Variants in PHACTR1 observed in about 807,000 individuals in gnomAD.
PHACTR1 encodes the protein phosphatase and actin regulator 1, also known as RPEL repeat containing 1.
A neutral mutation model predicts 69.2 loss-of-function variants in PHACTR1; 16 were observed. The observed-to-expected ratio is 0.23, with a 90% CI of 0.16 to 0.35. The LOEUF is 0.35. PHACTR1 is among the 10% of genes least tolerant of loss of function. PHACTR1 has a pLI of 1.00. For synonymous variants in PHACTR1, 312 were observed against 284.5 expected, an observed-to-expected ratio of 1.10 and a Z score of -0.97; for missense variants, 510 against 734.7, an observed-to-expected ratio of 0.69 and a Z score of 3.54.
At chr6:12,986,268 C>G (rs1278142781) in intron 4 of PHACTR1, among the ~76,000 whole-genome samples, 1 of 152,180 alleles carries the variant, frequency 6.6e-6, no homozygotes, top group Non-Finnish European at 1.5e-5. Context: ...TTTTCTTGAT[C>G]TGGGTGATGT....
chr6:13,245,075 C>A lies in PHACTR1; in HGVS notation c.1391+14882C>A, dbSNP rs530324316. ...CGGTCCCTCTGTTTGGGGTCCCTGA[C>A]TTCCCGCAACAGTATTTAGGTTGAT... On this transcript the variant is annotated intron_variant, in intron 10 of 14. Coordinates refer to ENST00000332995, the MANE Select transcript of PHACTR1 (RefSeq NM_030948.6). This position sits in a 1 kb window ranked among gnomAD's most constrained non-coding sequence, Gnocchi z 4.1. Among the ~76,000 whole-genome samples the A allele has an allele frequency of 5.3e-5, 8 of 152,332 alleles. No homozygotes were observed. Among genetic ancestry groups the A allele is most frequent in the South Asian group, 2.1e-4 (1 of 4,832 alleles).
chr6:12,835,103 C>T (rs1778015482), intron 4 of PHACTR1, among the ~76,000 whole-genome samples: 1 of 152,090 alleles, frequency 6.6e-6, no homozygotes, highest in Non-Finnish European at 1.5e-5. Flanking sequence ...AGAGCAAAGG[C>T]AGGCATCCCA....
chr6:13,208,513 G>C (rs557232913), intron 8 of PHACTR1, among the ~76,000 whole-genome samples: 1 of 152,266 alleles, frequency 6.6e-6, no homozygotes, highest in South Asian at 2.1e-4. Flanking sequence ...ACTACCCTAG[G>C]TAGTAAGTTG....
chr6:12,837,560 A>G (rs1161363100), intron 4 of PHACTR1, among the ~76,000 whole-genome samples: 3 of 152,196 alleles, frequency 2.0e-5, no homozygotes, highest in Non-Finnish European at 4.4e-5. Flanking sequence ...AAATAAAGAT[A>G]AGGAAGAGAT....
chr6:13,227,396 C>A (rs1355795388), intron 8 of PHACTR1, among the ~76,000 whole-genome samples: 1 of 152,170 alleles, frequency 6.6e-6, no homozygotes, highest in African/African-American at 2.4e-5. Flanking sequence ...TAATCCTTTA[C>A]CCTTGCTTTT....
At chr6:12,942,690 T>C (rs927723218) in intron 4 of PHACTR1, among the ~76,000 whole-genome samples, 3 of 152,152 alleles carry the variant, frequency 2.0e-5, no homozygotes, top group African/African-American at 7.2e-5. Context: ...GTCACAATGA[T>C]ACATGACAAG....
At chr6:13,210,551 T>A (rs1766655306) in intron 8 of PHACTR1, among the ~76,000 whole-genome samples, 2 of 152,330 alleles carry the variant, frequency 1.3e-5, no homozygotes, top group South Asian at 4.1e-4. Context: ...CAGAATTAAC[T>A]GCCGGAGTTT....
chr6:13,263,158 A>G (rs1776130873), intron 10 of PHACTR1, among the ~76,000 whole-genome samples: 1 of 151,874 alleles, frequency 6.6e-6, no homozygotes, highest in Non-Finnish European at 1.5e-5. Context: ...ATACATTTAA[A>G]GCATCTTGCC....
intron 8 of PHACTR1, among the ~76,000 whole-genome samples, chr6:13,218,406 G>A (rs976074745): frequency 7.2e-5 from 11 of 152,178 alleles, no homozygotes; most frequent in Admixed American, 5.2e-4. Context: ...CAGACTCACT[G>A]TAGATGTCTT....
intron 11 of PHACTR1, chr6:13,273,987 C>CT (rs1164358786): frequency 6.9e-6 from 1 of 144,952 alleles, no homozygotes; most frequent in Non-Finnish European, 1.5e-5. Context: ...TGAAACCACA[C>CT]TAAGATATTC....
In PHACTR1 at chr6:13,258,503, C is replaced by T. The variant is rs118182672; in HGVS notation, c.1392-14357C>T. ...CCACTGACATAGAAACCATGGCAAGCGGCAGAGATCAGGAAAAGAGACAAA... is the reference window on the plus strand; with the variant it reads ...CCACTGACATAGAAACCATGGCAAGTGGCAGAGATCAGGAAAAGAGACAAA... On this transcript the variant is annotated intron_variant, in intron 10 of 14. Coordinates refer to ENST00000332995, the MANE Select transcript of PHACTR1 (RefSeq NM_030948.6). Among the ~76,000 whole-genome samples the T allele has an allele frequency of 2.0e-4, 30 of 152,142 alleles. No individual in the cohort carries two copies. The East Asian group carries it at 2.9e-3, about 15-fold the overall frequency.
At chr6:12,854,212 G>A (rs186952315) in intron 4 of PHACTR1, among the ~76,000 whole-genome samples, 70 of 152,260 alleles carry the variant, frequency 4.6e-4, no homozygotes, top group African/African-American at 1.4e-3. Flanking sequence ...TACTTTGATT[G>A]ATTCATTTAA....
chr6:12,761,190 C>T (rs1171514875), intron 4 of PHACTR1, among the ~76,000 whole-genome samples: 1 of 152,160 alleles, frequency 6.6e-6, no homozygotes, highest in African/African-American at 2.4e-5. Context: ...AGCCAAGTGC[C>T]ATACAAAGGC....
intron 5 of PHACTR1, among the ~76,000 whole-genome samples, chr6:13,055,930 T>C (rs1011434063): frequency 7.9e-5 from 12 of 152,260 alleles, no homozygotes; most frequent in Admixed American, 2.6e-4. Context: ...TCATAGCAAG[T>C]TCTTGTGACC....
intron 4 of PHACTR1, among the ~76,000 whole-genome samples, chr6:13,039,816 A>G (rs1270989066): frequency 6.6e-6 from 1 of 152,242 alleles, no homozygotes; most frequent in African/African-American, 2.4e-5. Flanking sequence ...CCAGGCATGG[A>G]TAAAAGTAAA....
chr6:13,166,203 C>T (rs2113597197), intron 6 of PHACTR1, among the ~76,000 whole-genome samples: 1 of 152,374 alleles, frequency 6.6e-6, no homozygotes, highest in South Asian at 2.1e-4. Context: ...GAAGCTTACT[C>T]TGCGACCACC....
intron 4 of PHACTR1, among the ~76,000 whole-genome samples, chr6:13,008,827 G>A (rs967335685): frequency 6.6e-6 from 1 of 152,204 alleles, no homozygotes; most frequent in South Asian, 2.1e-4. Context: ...CTTGTAATAA[G>A]AATATCACAT....
At chr6:12,836,262 C>G (rs1321698604) in intron 4 of PHACTR1, among the ~76,000 whole-genome samples, 1 of 152,102 alleles carries the variant, frequency 6.6e-6, no homozygotes. Flanking sequence ...TCTCTCCTGC[C>G]AACTCTGTTT....
intron 8 of PHACTR1, among the ~76,000 whole-genome samples, chr6:13,213,721 A>G (rs1055253350): frequency 1.3e-5 from 2 of 152,124 alleles, no homozygotes; most frequent in African/African-American, 4.8e-5. Flanking sequence ...TTGGCCTTCC[A>G]CCATGTGAGC....
Sources: gnomAD v4.1 joint callset for allele counts (sites outside exome capture counted in the v4.1 genomes callset) on GRCh38, gnomAD v4.1.1 for gene constraint, Gnocchi (gnomAD v3.1) non-coding constraint, MANE v1.5 for transcripts, NCBI Gene and HGNC (gene_info 2026-07-23, HGNC 2026-07-21) for gene names.